ASPH: variants seen among roughly 807,000 people sequenced by gnomAD.
ASPH encodes aspartyl/asparaginyl beta-hydroxylase.
ASPH carries 100 observed loss-of-function variants against 118.4 expected under a neutral mutation model. The observed-to-expected ratio is 0.84, with a 90% CI of 0.72 to 1.00. The LOEUF is 1.00. ASPH is among the 50% of genes least tolerant of loss of function. ASPH has a pLI of 0.00. For missense variants in ASPH, 920 were observed against 919.5 expected (o/e 1.00, Z -0.01); for synonymous variants, 315 against 325.6 (o/e 0.97, Z 0.35).
intron 17 of ASPH, among the ~76,000 whole-genome samples, chr8:61,564,869 T>C (rs1831145727): frequency 1.3e-5 from 2 of 152,220 alleles, no homozygotes; most frequent in Admixed American, 1.3e-4. Flanking sequence ...CTCTAATCTA[T>C]AGGAGCCTCC....
chr8:61,647,004 A>C (rs1808378014), intron 5 of ASPH, 126 bp from the exon 6 acceptor site: 1 of 1,257,920 alleles, frequency 7.9e-7, no homozygotes. Context: ...GCCGCTGAAG[A>C]CACCATTGTC....
chr8:61,650,185 A>C (rs1810217683), intron 5 of ASPH, among the ~76,000 whole-genome samples: 1 of 152,156 alleles, frequency 6.6e-6, no homozygotes, highest in Non-Finnish European at 1.5e-5. Flanking sequence ...GGAAGGCTTG[A>C]GGAAGGGGAA....
chr8:61,557,967 A>G (rs1214636155), intron 18 of ASPH, among the ~76,000 whole-genome samples: 1 of 152,272 alleles, frequency 6.6e-6, no homozygotes, highest in East Asian at 1.9e-4. Flanking sequence ...TACTGCAGGC[A>G]CACAGCCATT....
At chr8:61,608,545 A>G (rs543759089) in intron 14 of ASPH, among the ~76,000 whole-genome samples, 1 of 152,356 alleles carries the variant, frequency 6.6e-6, no homozygotes, top group African/African-American at 2.4e-5. Context: ...AGCTTTTCTC[A>G]AACGATCCTT....
intron 1 of ASPH, among the ~76,000 whole-genome samples, chr8:61,689,312 A>G (rs1200019089): frequency 6.6e-6 from 1 of 152,080 alleles, no homozygotes; most frequent in African/African-American, 2.4e-5. Context: ...TATATCTCCT[A>G]TAATTTTATA....
At chr8:61,516,118 T>G (rs560633894) in intron 24 of ASPH, among the ~76,000 whole-genome samples, 1 of 152,236 alleles carries the variant, frequency 6.6e-6, no homozygotes, top group Non-Finnish European at 1.5e-5. Flanking sequence ...ATTCTTCATA[T>G]GTGGCCATAA....
intron 17 of ASPH, 146 bp from the exon 18 acceptor site, chr8:61,563,026 G>T (rs1180140387): frequency 2.9e-6 from 2 of 689,428 alleles, no homozygotes; most frequent in African/African-American, 1.9e-5. Flanking sequence ...TAAGTACCTA[G>T]TAGGATTTCA....
At chr8:61,514,477 G>A (rs1563653215) in intron 24 of ASPH, among the ~76,000 whole-genome samples, 1 of 152,050 alleles carries the variant, frequency 6.6e-6, no homozygotes, top group Non-Finnish European at 1.5e-5. Flanking sequence ...ATTTTGGGAG[G>A]CCCAGGCAGA....
chr8:61,555,868 C>A, intron 19 of ASPH, 56 bp downstream of exon 19: 1 of 1,466,218 alleles, frequency 6.8e-7, no homozygotes, highest in Non-Finnish European at 9.5e-7. Flanking sequence ...GCAAGTGTGT[C>A]CCAATAACTC....
intron 16 of ASPH, among the ~76,000 whole-genome samples, chr8:61,568,285 A>G (rs1587320643): frequency 6.6e-6 from 1 of 152,158 alleles, no homozygotes; most frequent in Admixed American, 6.6e-5. Flanking sequence ...CTAAGGTAGC[A>G]GTAATGGAAG....
At chr8:61,703,270 A>T (rs559834113) in intron 1 of ASPH, among the ~76,000 whole-genome samples, 1 of 152,348 alleles carries the variant, frequency 6.6e-6, no homozygotes, top group African/African-American at 2.4e-5. Context: ...ACTGGTATTC[A>T]ACATGATACT....
chr8:61,557,634 G>A (rs940756435), intron 18 of ASPH, among the ~76,000 whole-genome samples: 5 of 152,156 alleles, frequency 3.3e-5, no homozygotes, highest in Non-Finnish European at 5.9e-5. Context: ...CCACTAAGAT[G>A]CAAGCTCTAC....
intron 16 of ASPH, among the ~76,000 whole-genome samples, chr8:61,575,867 ATAGGCAAAAGGTACCACCTCTG>A (rs1834970745): frequency 2.0e-5 from 3 of 152,270 alleles, no homozygotes; most frequent in South Asian, 2.1e-4. Flanking sequence ...TACCACCCCT[ATAGGCAAAAGGTACCACCTCTG>A]TAGGCAAAAG....
In ASPH at chr8:61,541,414, C is replaced by T. The variant is rs929409145; in HGVS notation, c.1764+6657G>A. On this transcript the variant is annotated intron_variant, in intron 21 of 24. Transcript: ENST00000379454. ...TGGTAGTTAAAAGTCACTCAAGGGC[C>T]AAAATCTGGGTAATTATTCTAAAAG... is the stretch of plus-strand genomic sequence containing the variant. Among the ~76,000 whole-genome samples the T allele has an allele frequency of 9.9e-5, 15 of 152,258 alleles. No individual in the cohort carries two copies. In the South Asian group the frequency reaches 1.0e-3, roughly 11 times the overall value.
At chr8:61,608,672 C>A (rs1053012102) in intron 14 of ASPH, among the ~76,000 whole-genome samples, 1 of 152,182 alleles carries the variant, frequency 6.6e-6, no homozygotes, top group Non-Finnish European at 1.5e-5. Context: ...GGGCCTGATA[C>A]ACAGACCAGA....
At chr8:61,538,424 T>C (rs999480505) in intron 21 of ASPH, among the ~76,000 whole-genome samples, 13 of 152,372 alleles carry the variant, frequency 8.5e-5, no homozygotes, top group Admixed American at 5.2e-4. Context: ...TATTTACTTT[T>C]ACATAAAAGT....
In ASPH at chr8:61,704,194, C is replaced by CAAAAAAAA. The variant is rs61553495; in HGVS notation, c.103+10067_103+10074dup. On this transcript the variant is annotated intron_variant, in intron 1 of 24. Coordinates refer to ENST00000379454, the MANE Select transcript of ASPH (RefSeq NM_004318.4). ...TGGGCGACAGAGCGAGACTCCGTCTCAAAAAAAAAAAAAAAAAAAAAAAAA... is the reference window on the plus strand; with the variant it reads ...TGGGCGACAGAGCGAGACTCCGTCTCAAAAAAAAAAAAAAAAAAAAAAAAAAAAAAAAA... 2.5e-4 allele frequency among the ~76,000 whole-genome samples: 10 copies of CAAAAAAAA among 40,446 alleles called. 3 individuals are homozygous for CAAAAAAAA. The highest frequency in any genetic ancestry group is 1.1e-3 in the African/African-American group (9 of 8,474). The allele number at this position is 40,446 out of a possible 152,430, so 26.5% of individuals were successfully genotyped here.
intron 3 of ASPH, among the ~76,000 whole-genome samples, chr8:61,654,194 C>T (rs1326533225): frequency 9.6e-4 from 146 of 152,230 alleles, no homozygotes; most frequent in African/African-American, 3.4e-3. Flanking sequence ...TCTATAACAG[C>T]TAAAACATAT....
intron 1 of ASPH, among the ~76,000 whole-genome samples, chr8:61,702,248 A>G (rs1324728722): frequency 6.6e-6 from 1 of 151,178 alleles, no homozygotes; most frequent in Non-Finnish European, 1.5e-5. Flanking sequence ...AATGACAAAA[A>G]GGTTCCAATG....
Sources: gnomAD v4.1 joint callset for allele counts (sites outside exome capture counted in the v4.1 genomes callset) on GRCh38, gnomAD v4.1.1 for gene constraint, MANE v1.5 for transcripts, NCBI Gene and HGNC (gene_info 2026-07-23, HGNC 2026-07-21) for gene names.